Variants in TRAF3IP1 observed in about 807,000 individuals in gnomAD.
The protein encoded by TRAF3IP1 is intraflagellar transport 54, also known as TRAF3-interacting protein 1.
Under a neutral mutation model 89.9 loss-of-function variants are expected in TRAF3IP1, and 53 were observed. That is an observed-to-expected ratio of 0.59 (90% CI 0.47 to 0.74). TRAF3IP1 has a LOEUF of 0.74. Ranked by LOEUF, TRAF3IP1 falls within the 30% of genes least tolerant of loss-of-function variation. TRAF3IP1 has a pLI of 0.00. For missense variants in TRAF3IP1, 806 were observed against 866.1 expected (o/e 0.93, Z 0.87); for synonymous variants, 311 against 322.1 (o/e 0.97, Z 0.37).
intron 7 of TRAF3IP1, among the ~76,000 whole-genome samples, 172 bp downstream of exon 7, chr2:238,334,207 A>G (rs916968407): frequency 2.6e-5 from 4 of 152,120 alleles, no homozygotes; most frequent in Non-Finnish European, 4.4e-5. Context: ...TTACATACAC[A>G]TGCGTGTGTG....
At chr2:238,344,399 A>G (rs1698795013) in intron 8 of TRAF3IP1, 98 bp from the exon 9 acceptor site, 2 of 949,612 alleles carry the variant, frequency 2.1e-6, no homozygotes, top group Non-Finnish European at 3.2e-6. Context: ...GTGTGGGAAA[A>G]CATAGATAAG....
chr2:238,350,527 A>C (rs1025674106), intron 12 of TRAF3IP1, among the ~76,000 whole-genome samples: 2 of 152,074 alleles, frequency 1.3e-5, no homozygotes, highest in Non-Finnish European at 2.9e-5. Context: ...TAGTGAAGAG[A>C]CTGGAGCAGA....
chr2:238,346,763 T>A (rs1019989991), intron 9 of TRAF3IP1, among the ~76,000 whole-genome samples: 2 of 152,220 alleles, frequency 1.3e-5, no homozygotes, highest in Non-Finnish European at 2.9e-5. Context: ...GTCATGTGAA[T>A]CCATGCGCTT....
chr2:238,334,131 G>A, intron 7 of TRAF3IP1, 96 bp downstream of exon 7: 1 of 931,150 alleles, frequency 1.1e-6, no homozygotes, highest in South Asian at 1.6e-5. Flanking sequence ...AACTCCTATG[G>A]CTGGAAAACA....
chr2:238,352,229 C>T (rs376343800), intron 12 of TRAF3IP1, among the ~76,000 whole-genome samples: 5 of 152,036 alleles, frequency 3.3e-5, no homozygotes, highest in African/African-American at 7.2e-5. Context: ...GGCTGTTGGA[C>T]GCTGACTTGC....
rs1481743637 is a variant in TRAF3IP1, at chr2:238,325,910, G to C, written c.294G>C (p.Gly98=). 7.4e-6 allele frequency: 12 copies of C among 1,614,206 alleles called. No individual in the cohort carries two copies. Among genetic ancestry groups the C allele is most frequent in the Non-Finnish European group, 1.0e-5 (12 of 1,180,034 alleles). ...CCAAACCAGCCCGAATCGTGGCGGG[G>C]CATGAGCCTGAAAGAACAAACGAGC... ...LLAKPARIVA[G]HEPERTNELL... The change falls in exon 3 of 17, where the codon GGG becomes GGC. Residue 98 remains glycine, a synonymous_variant. Transcript: ENST00000373327.
intron 15 of TRAF3IP1, among the ~76,000 whole-genome samples, chr2:238,370,078 A>G (rs1700042651): frequency 6.6e-6 from 1 of 152,072 alleles, no homozygotes; most frequent in South Asian, 2.1e-4. Flanking sequence ...TTGATTGGAG[A>G]ATGGAGTGTT....
At chr2:238,387,070 G>A (rs1472970750) in intron 15 of TRAF3IP1, among the ~76,000 whole-genome samples, 1 of 152,186 alleles carries the variant, frequency 6.6e-6, no homozygotes, top group Non-Finnish European at 1.5e-5. Flanking sequence ...GTCACCTACA[G>A]ATGAGACAGG....
chr2:238,350,465 G>A (rs1160865277), intron 12 of TRAF3IP1, among the ~76,000 whole-genome samples: 1 of 152,172 alleles, frequency 6.6e-6, no homozygotes, highest in African/African-American at 2.4e-5. Context: ...GGGGGAAGAG[G>A]AGTGTCAGAG....
At chr2:238,365,038 C>T (rs144430518) in intron 15 of TRAF3IP1, among the ~76,000 whole-genome samples, 2 of 152,236 alleles carry the variant, frequency 1.3e-5, no homozygotes, top group Admixed American at 1.3e-4. Flanking sequence ...ATACAATGAC[C>T]TTATCGTGAA....
At chr2:238,371,304 G>A (rs896430731) in intron 15 of TRAF3IP1, among the ~76,000 whole-genome samples, 2 of 151,876 alleles carry the variant, frequency 1.3e-5, no homozygotes, top group African/African-American at 4.8e-5. Context: ...TTTTGGTGGG[G>A]GGAACAACCA....
At chr2:238,325,518 C>A in intron 2 of TRAF3IP1, 144 bp downstream of exon 2, 1 of 798,832 alleles carries the variant, frequency 1.3e-6, no homozygotes, top group Non-Finnish European at 2.0e-6. Context: ...GATATATATA[C>A]CCTTTCTCAT....
chr2:238,334,077 A>T, intron 7 of TRAF3IP1, 42 bp downstream of exon 7: 3 of 1,030,820 alleles, frequency 2.9e-6, no homozygotes, highest in Non-Finnish European at 3.9e-6. Flanking sequence ...TATGGATATT[A>T]GTTTTTTTTT....
At chr2:238,375,682 T>C (rs1407703171) in intron 15 of TRAF3IP1, among the ~76,000 whole-genome samples, 1 of 152,190 alleles carries the variant, frequency 6.6e-6, no homozygotes, top group Non-Finnish European at 1.5e-5. Context: ...TCACTTTCTT[T>C]ATGGTGTCTT....
At chr2:238,343,890 T>A (rs1003274379) in intron 8 of TRAF3IP1, among the ~76,000 whole-genome samples, 4 of 151,888 alleles carry the variant, frequency 2.6e-5, no homozygotes, top group Non-Finnish European at 5.9e-5. Context: ...TACTCCTGGG[T>A]TCAAGTGATC....
intron 15 of TRAF3IP1, among the ~76,000 whole-genome samples, chr2:238,385,394 C>G (rs559397057): frequency 3.3e-5 from 5 of 152,310 alleles, no homozygotes; most frequent in Non-Finnish European, 7.3e-5. Flanking sequence ...AATCACTAGT[C>G]AGTGTACTTT....
chr2:238,351,876 C>CGT lies in TRAF3IP1; in HGVS notation c.1452-950_1452-949insTG, dbSNP rs1233918853. Among the ~76,000 whole-genome samples, 5 of 147,498 alleles carry CGT rather than the reference C, an allele frequency of 3.4e-5. No homozygotes were observed. The highest frequency in any genetic ancestry group is 5.2e-5 in the African/African-American group (2 of 38,382). On this transcript the variant is annotated intron_variant, in intron 12 of 16. Transcript: ENST00000373327. This position sits in a 1 kb window ranked among gnomAD's most constrained non-coding sequence, Gnocchi z 5.2. ...GTGTGTGTGTGTGTGTGCGCGCGCGCGCGTGTGCGTGCATGTGCTTGTGTG... is the reference window on the plus strand; with the variant it reads ...GTGTGTGTGTGTGTGTGCGCGCGCGCGTGCGTGTGCGTGCATGTGCTTGTGTG...
At position 238,320,713 on chromosome 2, in the gene TRAF3IP1, T is replaced by A. The variant is rs886037899; in HGVS notation, c.51T>A (p.Ile17=). The part of the protein sequence containing the change: ...RRTQEALGKV[I]RRPPLTEKLL... ...CGCAGGAGGCGCTGGGGAAAGTGAT[T>A]CGGAGGCCGCCGCTGACCGAGAAGC... The change falls in exon 1 of 17, where the codon ATT becomes ATA. Residue 17 remains isoleucine (I), a synonymous_variant. Coordinates refer to ENST00000373327, the MANE Select transcript of TRAF3IP1 (RefSeq NM_015650.4). 1 of 1,446,642 alleles carries A rather than the reference T, an allele frequency of 6.9e-7. No individual in the cohort carries two copies. The highest frequency in any genetic ancestry group is 1.5e-5 in the African/African-American group (1 of 67,566). 89.6% of individuals were successfully genotyped at this position (1,446,642 alleles called of 1,614,324 possible).
intron 12 of TRAF3IP1, among the ~76,000 whole-genome samples, chr2:238,350,655 T>G (rs1007263769): frequency 4.6e-5 from 7 of 152,132 alleles, no homozygotes; most frequent in Non-Finnish European, 1.0e-4. Context: ...CCTCCTACAA[T>G]GCACAGGACA....
Sources: gnomAD v4.1 joint callset for allele counts (sites outside exome capture counted in the v4.1 genomes callset) on GRCh38, gnomAD v4.1.1 for gene constraint, Gnocchi (gnomAD v3.1) non-coding constraint, MANE v1.5 for transcripts, NCBI Gene and HGNC (gene_info 2026-07-23, HGNC 2026-07-21) for gene names.